PHF21B: variants seen among roughly 807,000 people sequenced by gnomAD.
The protein encoded by PHF21B is PHD finger protein 4.
PHF21B carries 22 observed loss-of-function variants against 62.2 expected under a neutral mutation model. The observed-to-expected ratio is 0.35, with a 90% confidence interval of 0.25 to 0.51. PHF21B has a LOEUF of 0.51. PHF21B is among the 20% of genes least tolerant of loss of function. The probability of loss-of-function intolerance (pLI) is 0.97; values close to 1 mark genes in which losing one functional copy is unlikely to be tolerated. For missense variants in PHF21B, 701 were observed against 707.9 expected (o/e 0.99, Z 0.11); for synonymous variants, 341 against 314.7 (o/e 1.08, Z -0.88).
rs2073186407 is a variant in PHF21B at position 45,000,028 on chromosome 22, T to A, written c.120+8517A>T. Among the ~76,000 whole-genome samples the A allele has an allele frequency of 5.3e-5, 8 of 152,236 alleles. No individual in the cohort carries two copies. The South Asian group carries it at 1.7e-3, about 32-fold the overall frequency. ...CTCTGCTGCCTGGCTGGCCATGAAC[T>A]ATTATTAATCCCCTTTTATAACTAC... On this transcript the variant is annotated intron_variant, in intron 2 of 12. Coordinates refer to ENST00000313237, the MANE Select transcript of PHF21B (RefSeq NM_138415.5).
chr22:45,008,755 ACGCGCGGCGGCCGGGCAGTGCCG>A, intron 1 of PHF21B, 145 bp from the exon 2 acceptor site: 1 of 1,146,780 alleles, frequency 8.7e-7, no homozygotes, highest in Non-Finnish European at 1.1e-6. Context: ...CGCGTCCTGC[ACGCGCGGCGGCCGGGCAGTGCCG>A]CGCGGGGCCG....
At chr22:44,912,467 C>T (rs1029046301) in intron 5 of PHF21B, among the ~76,000 whole-genome samples, 1 of 152,092 alleles carries the variant, frequency 6.6e-6, no homozygotes, top group Non-Finnish European at 1.5e-5. Flanking sequence ...ATGCTGTTCT[C>T]GTGATAGTGA....
rs2070772470 is a variant in PHF21B at position 44,883,361 on chromosome 22, G to T, written c.1378-57C>A. 4.5e-6 allele frequency: 7 copies of T among 1,542,860 alleles called. No homozygotes were observed. In the Admixed American group the frequency reaches 1.2e-4, roughly 27 times the overall value. ...CAGTATTCGGCTCTACAGCCATCCT[G>T]GGGCAGCCACCGTCTGGGCCCCTCT... On this transcript the variant is annotated intron_variant, in intron 12 of 12. Transcript: ENST00000313237.
chr22:44,888,020 C>T lies in PHF21B; in HGVS notation c.1140G>A (p.Glu380=). ...CCTTGGGCGCCGTCTTGAGGGGCGG[C>T]TCCAGGCAGCTGAGGTGGTAGGCCC... The part of the protein sequence containing the change: ...CPGAYHLSCL[E]PPLKTAPKGV... Residue 380 remains glutamate (E), a synonymous_variant, in exon 10 of 13, where the codon GAG becomes GAA. Coordinates refer to ENST00000313237, the MANE Select transcript of PHF21B (RefSeq NM_138415.5). 6.4e-7 allele frequency: 1 copy of T among 1,566,576 alleles called. No homozygotes were observed. Among genetic ancestry groups the T allele is most frequent in the Non-Finnish European group, 8.6e-7 (1 of 1,156,510 alleles).
At chr22:44,953,460 G>A (rs945454946) in intron 2 of PHF21B, among the ~76,000 whole-genome samples, 2 of 152,022 alleles carry the variant, frequency 1.3e-5, no homozygotes, top group Non-Finnish European at 1.5e-5. Flanking sequence ...GTTCCCTTTC[G>A]TTTTATTTTT....
At chr22:44,936,348 C>T (rs1220622464) in intron 2 of PHF21B, among the ~76,000 whole-genome samples, 3 of 152,208 alleles carry the variant, frequency 2.0e-5, no homozygotes, top group African/African-American at 4.8e-5. Context: ...AGCCTCAGGC[C>T]GACTGTCTCT....
At chr22:44,925,680 G>A (rs879587305) in intron 2 of PHF21B, among the ~76,000 whole-genome samples, 1 of 152,218 alleles carries the variant, frequency 6.6e-6, no homozygotes, top group Non-Finnish European at 1.5e-5. Context: ...TGCTGCTCTT[G>A]GCTGGCACAG....
chr22:44,949,726 G>C (rs963101631), intron 2 of PHF21B, among the ~76,000 whole-genome samples: 1 of 152,170 alleles, frequency 6.6e-6, no homozygotes, highest in Non-Finnish European at 1.5e-5. Context: ...CAGAGAAGAC[G>C]TGTGTGTACC....
chr22:44,999,644 C>T (rs560887331), intron 2 of PHF21B, among the ~76,000 whole-genome samples: 17 of 152,166 alleles, frequency 1.1e-4, no homozygotes, highest in Non-Finnish European at 2.5e-4. Flanking sequence ...TAACAGTCCA[C>T]ACCTCACTTT....
chr22:44,975,169 C>G (rs551295509), intron 2 of PHF21B, among the ~76,000 whole-genome samples: 113 of 152,272 alleles, frequency 7.4e-4, no homozygotes, highest in African/African-American at 2.4e-3. Context: ...TCCTCTCACC[C>G]CTTCTCCATC....
In PHF21B at chr22:44,881,540, A is replaced by G. The variant is rs1441053641; in HGVS notation, c.*1546T>C. ...AAGAATATAAAAATCTTGTTCACCC[A>G]GTGGTAAGTGTATTAAAATAGATCT... is the stretch of plus-strand genomic sequence containing the variant. On this transcript the variant is annotated 3_prime_UTR_variant, in exon 13 of 13. Transcript: ENST00000313237. The G allele has an allele frequency of 1.3e-5, 2 of 152,676 alleles. No individual in the cohort carries two copies. The highest frequency in any genetic ancestry group is 4.8e-5 in the African/African-American group (2 of 41,462). 9.5% of individuals were successfully genotyped at this position (152,676 alleles called of 1,614,324 possible). A position where few individuals can be genotyped will look rare whatever the true frequency, so the allele number is the denominator to read the frequency against.
rs927680093 is a variant in PHF21B, at chr22:44,904,700, T to G, written c.832-8617A>C. On this transcript the variant is annotated intron_variant, in intron 5 of 12. Transcript: ENST00000313237. ...GCTGGGCAGCAAGCCAATGGTGCAA[T>G]GAGCAGTGGCCAGGAGTGGTGTAGG... Among the ~76,000 whole-genome samples, 8 of 134,006 alleles carry G rather than the reference T, an allele frequency of 6.0e-5. 1 individual carries two copies. The highest frequency in any genetic ancestry group is 7.9e-5 in the Non-Finnish European group (5 of 63,508). 87.9% of individuals were successfully genotyped at this position (134,006 alleles called of 152,430 possible). A position where few individuals can be genotyped will look rare whatever the true frequency, so the allele number is the denominator to read the frequency against.
intron 2 of PHF21B, among the ~76,000 whole-genome samples, chr22:44,965,832 T>C (rs936121709): frequency 1.3e-5 from 2 of 152,086 alleles, no homozygotes; most frequent in African/African-American, 4.8e-5. Flanking sequence ...GTGCCAGCCA[T>C]GTATCACAAG....
chr22:44,989,854 C>A (rs573397490), intron 2 of PHF21B, among the ~76,000 whole-genome samples: 30 of 152,196 alleles, frequency 2.0e-4, no homozygotes, highest in Non-Finnish European at 4.1e-4. Flanking sequence ...AGGTGATCCA[C>A]CTGCCTTGGC....
intron 2 of PHF21B, among the ~76,000 whole-genome samples, chr22:44,956,837 C>T (rs1275229398): frequency 2.0e-5 from 3 of 152,246 alleles, no homozygotes; most frequent in Non-Finnish European, 2.9e-5. Flanking sequence ...TCTCCCTCCT[C>T]CTCCGACCTC....
chr22:44,979,994 G>A (rs985710092), intron 2 of PHF21B, among the ~76,000 whole-genome samples: 10 of 134,172 alleles, frequency 7.5e-5, no homozygotes, highest in Non-Finnish European at 1.1e-4. Flanking sequence ...GCTTGAACCC[G>A]GGAGACAGAG....
At chr22:44,998,855 G>C (rs951889661) in intron 2 of PHF21B, among the ~76,000 whole-genome samples, 6 of 152,070 alleles carry the variant, frequency 3.9e-5, no homozygotes, top group Non-Finnish European at 8.8e-5. Context: ...TACAATGCTC[G>C]CCCCATTCAT....
chr22:44,976,177 A>G (rs2072735127), intron 2 of PHF21B, among the ~76,000 whole-genome samples: 1 of 152,164 alleles, frequency 6.6e-6, no homozygotes, highest in African/African-American at 2.4e-5. Flanking sequence ...TCTCAAGAAA[A>G]CATTTTGTTT....
intron 2 of PHF21B, among the ~76,000 whole-genome samples, chr22:44,939,986 G>C (rs552606033): frequency 2.0e-5 from 3 of 152,234 alleles, no homozygotes; most frequent in Admixed American, 2.0e-4. Flanking sequence ...TTAGGTGGTG[G>C]GGACAACAAT....
Sources: gnomAD v4.1 joint callset for allele counts (sites outside exome capture counted in the v4.1 genomes callset) on GRCh38, gnomAD v4.1.1 for gene constraint, MANE v1.5 for transcripts, NCBI Gene and HGNC (gene_info 2026-07-23, HGNC 2026-07-21) for gene names.